NGEF: variants seen among roughly 807,000 people sequenced by gnomAD.
NGEF encodes the protein ephexin-1.
Under a neutral mutation model 80.9 loss-of-function variants are expected in NGEF, and 31 were observed. The observed-to-expected ratio is 0.38, with a 90% confidence interval of 0.29 to 0.52. The LOEUF is 0.52. Among genes scored for constraint, NGEF ranks in the 20% least tolerant of loss-of-function variants. NGEF has a pLI of 0.84. For synonymous variants in NGEF, 371 were observed against 370.2 expected, an observed-to-expected ratio of 1.00 and a Z score of -0.03; for missense variants, 709 against 926.2, an observed-to-expected ratio of 0.77 and a Z score of 3.04.
chr2:232,995,100 T>C lies in NGEF; in HGVS notation c.-75+17968A>G, dbSNP rs199725194. Among the ~76,000 whole-genome samples the C allele has an allele frequency of 6.5e-3, 37 of 5,676 alleles. 15 individuals are homozygous for C. Among genetic ancestry groups the C allele is most frequent in the African/African-American group, 0.015 (28 of 1,870 alleles). The allele number at this position is 5,676 out of a possible 152,430, so 3.7% of individuals were successfully genotyped here. A position where few individuals can be genotyped will look rare whatever the true frequency, so the allele number is the denominator to read the frequency against. ...TATATGTGTACAGTATGTATATGTG[T>C]ACAGTATGTATATGTGTACAGTATG... is the stretch of plus-strand genomic sequence containing the variant. On this transcript the variant is annotated intron_variant, in intron 1 of 14. Transcript: ENST00000264051.
chr2:232,965,352 G>A (rs1694035247), intron 3 of NGEF, among the ~76,000 whole-genome samples: 1 of 152,184 alleles, frequency 6.6e-6, no homozygotes, highest in Admixed American at 6.5e-5. Flanking sequence ...TTGGGAAGGT[G>A]ACTATGGAAA....
intron 8 of NGEF, among the ~76,000 whole-genome samples, chr2:232,889,971 C>A (rs1269545467): frequency 6.6e-6 from 1 of 151,102 alleles, no homozygotes; most frequent in Admixed American, 6.6e-5. Context: ...ACCAGCCCAG[C>A]TGCCAATGGC....
chr2:232,968,092 G>GTTTTTTTTTTTTTTTTT (rs529799953), intron 3 of NGEF, among the ~76,000 whole-genome samples: 8 of 107,202 alleles, frequency 7.5e-5, no homozygotes, highest in Admixed American at 1.7e-4. Context: ...AACAGACCTG[G>GTTTTTTTTTTTTTTTTT]CTTTTTTTTT....
At chr2:232,970,075 AT>A (rs1428759972) in intron 3 of NGEF, 138 bp downstream of exon 3, 6 of 371,870 alleles carry the variant, frequency 1.6e-5, no homozygotes, top group African/African-American at 2.3e-5. Context: ...TTATTTATTT[AT>A]TTTTTTAGCA....
At chr2:232,975,761 C>A (rs946907076) in intron 1 of NGEF, among the ~76,000 whole-genome samples, 1 of 152,072 alleles carries the variant, frequency 6.6e-6, no homozygotes, top group Non-Finnish European at 1.5e-5. Context: ...ACAGAGAGGC[C>A]GAGCTAGGAA....
At chr2:232,894,363 G>A (rs1691987357) in intron 6 of NGEF, among the ~76,000 whole-genome samples, 1 of 152,158 alleles carries the variant, frequency 6.6e-6, no homozygotes, top group African/African-American at 2.4e-5. Context: ...TTTCTGCTAG[G>A]GTAAGGAGCA....
At chr2:232,975,357 G>T (rs1221753291) in intron 1 of NGEF, among the ~76,000 whole-genome samples, 3 of 152,190 alleles carry the variant, frequency 2.0e-5, no homozygotes, top group South Asian at 4.1e-4. Flanking sequence ...GATGAGAAAG[G>T]GTTGTGGGCT....
At chr2:232,898,812 G>A (rs1472958063) in intron 5 of NGEF, among the ~76,000 whole-genome samples, 1 of 152,254 alleles carries the variant, frequency 6.6e-6, no homozygotes, top group Non-Finnish European at 1.5e-5. Flanking sequence ...AAGGAAGTGT[G>A]AGCCTGTGAG....
rs202046465 is a variant in NGEF, at chr2:232,974,693, A to G, written c.198T>C (p.Asn66=). Residue 66 remains asparagine (N), a synonymous_variant, in exon 2 of 15, where the codon AAT becomes AAC. Transcript: ENST00000264051. ...HIPIKRNSIF[N]RSIRRKSKAK... ...CTTTGCTTTTGCGTCTTATGGAGCG[A>G]TTGAAGATGGAATTTCTCTTAATTG... The G allele has an allele frequency of 2.5e-6, 4 of 1,614,090 alleles. No homozygotes were observed. Among genetic ancestry groups the G allele is most frequent in the South Asian group, 1.1e-5 (1 of 91,088 alleles).
intron 1 of NGEF, among the ~76,000 whole-genome samples, chr2:232,985,363 TCTC>T (rs1694509709): frequency 6.6e-6 from 1 of 152,126 alleles, no homozygotes; most frequent in Admixed American, 6.5e-5. Context: ...ACACCTGTAA[TCTC>T]AGCCCTTTGG....
chr2:232,986,976 A>G (rs1694544172), intron 1 of NGEF, among the ~76,000 whole-genome samples: 1 of 152,218 alleles, frequency 6.6e-6, no homozygotes, highest in Non-Finnish European at 1.5e-5. Flanking sequence ...CAGGAAGCAT[A>G]AATCAAGTGT....
At chr2:232,956,950 A>C (rs1040172312) in intron 3 of NGEF, among the ~76,000 whole-genome samples, 3 of 152,104 alleles carry the variant, frequency 2.0e-5, no homozygotes, top group African/African-American at 7.2e-5. Flanking sequence ...GAATTTAAAT[A>C]GGAAGATAAA....
chr2:232,901,336 C>A, intron 5 of NGEF: 1 of 982,894 alleles, frequency 1.0e-6, no homozygotes, highest in Non-Finnish European at 1.2e-6. Context: ...CTCGAGGCTG[C>A]GCGATTTCTC....
At chr2:232,960,454 G>A (rs11887100) in intron 3 of NGEF, among the ~76,000 whole-genome samples, 120,300 of 151,740 alleles carry the variant, frequency 0.79, 48,274 homozygotes, top group African/African-American at 0.92. Context: ...TCTCATAGCC[G>A]TGATTACCCT....
At chr2:232,882,332 G>T (rs1180743126) in intron 12 of NGEF, 67 bp from the exon 13 acceptor site, 2 of 1,408,290 alleles carry the variant, frequency 1.4e-6, no homozygotes, top group African/African-American at 1.4e-5. Flanking sequence ...TGTGGCACGA[G>T]GCTTCCCAGC....
intron 9 of NGEF, among the ~76,000 whole-genome samples, chr2:232,886,864 G>A (rs1160475123): frequency 6.6e-6 from 1 of 152,242 alleles, no homozygotes; most frequent in Non-Finnish European, 1.5e-5. Context: ...CCAGAGGTGG[G>A]CATGGGCCCC....
chr2:232,979,308 A>T (rs1340502272), intron 1 of NGEF, among the ~76,000 whole-genome samples: 1 of 151,784 alleles, frequency 6.6e-6, no homozygotes, highest in Non-Finnish European at 1.5e-5. Context: ...GGAGGCTCTG[A>T]AACCCTGAGA....
At position 232,884,158 on chromosome 2, in the gene NGEF, A is replaced by G. The variant is rs774418214; in HGVS notation, c.1438-14T>C. 2.3e-5 allele frequency: 36 copies of G among 1,578,908 alleles called. No homozygotes were observed. In the South Asian group the frequency reaches 3.6e-4, roughly 16 times the overall value. On this transcript the variant is annotated splice_polypyrimidine_tract_variant and intron_variant, in intron 10 of 14. Transcript: ENST00000264051. The stretch of plus-strand genomic sequence containing the variant: ...GATGGGCACCGACTGCAGCGGGGAA[A>G]GGGCATCAGGCAGGCTGTGCCCACA...
chr2:232,902,407 C>T (rs1692383114), intron 5 of NGEF, among the ~76,000 whole-genome samples: 3 of 152,158 alleles, frequency 2.0e-5, no homozygotes, highest in Admixed American at 2.0e-4. Context: ...CCGTGAGCAG[C>T]GTGGGGAGTG....
Sources: allele counts gnomAD v4.1 joint callset (sites outside exome capture counted in the v4.1 genomes callset), GRCh38; gene constraint gnomAD v4.1.1; transcripts MANE v1.5; gene names NCBI Gene and HGNC (gene_info 2026-07-23, HGNC 2026-07-21).